The following CPQ variants were observed in gnomAD, a reference collection of about 807,000 sequenced individuals.
CPQ encodes carboxypeptidase Q.
Under a neutral mutation model 45.7 loss-of-function variants are expected in CPQ, and 37 were observed. The ratio of observed to expected loss-of-function variants is 0.81; its 90% CI spans 0.62 to 1.07. The LOEUF (loss-of-function observed/expected upper bound fraction) is 1.07. Among genes scored for constraint, CPQ ranks in the 50% least tolerant of loss-of-function variants. CPQ has a pLI of 0.00. For synonymous variants in CPQ, 186 were observed against 205.8 expected (o/e 0.90, Z 0.82); for missense variants, 537 against 572.9 (o/e 0.94, Z 0.64).
intron 7 of CPQ, among the ~76,000 whole-genome samples, chr8:97,094,936 AACT>A: frequency 6.6e-6 from 1 of 152,124 alleles, no homozygotes; most frequent in Non-Finnish European, 1.5e-5. Flanking sequence ...GGCCAAATTG[AACT>A]GGTGCATTCT....
At chr8:96,719,125 G>A (rs1160013982) in intron 1 of CPQ, among the ~76,000 whole-genome samples, 5 of 152,248 alleles carry the variant, frequency 3.3e-5, no homozygotes, top group African/African-American at 4.8e-5. Flanking sequence ...ACTGGGTGCC[G>A]TGGAGCAAGG....
intron 5 of CPQ, among the ~76,000 whole-genome samples, chr8:97,005,755 T>C (rs1432238357): frequency 6.6e-6 from 1 of 152,134 alleles, no homozygotes; most frequent in Non-Finnish European, 1.5e-5. Flanking sequence ...ATTTCTTCAT[T>C]GAAAAGGTTA....
At chr8:96,948,667 T>C (rs2853279) in intron 4 of CPQ, among the ~76,000 whole-genome samples, 75,943 of 151,920 alleles carry the variant, frequency 0.5, 21,140 homozygotes, top group African/African-American at 0.77. Context: ...GTTTGATCTA[T>C]AATATTATTC....
At chr8:97,136,058 T>C (rs1264128507) in intron 7 of CPQ, among the ~76,000 whole-genome samples, 5 of 152,164 alleles carry the variant, frequency 3.3e-5, no homozygotes, top group Admixed American at 3.3e-4. Flanking sequence ...GAGAGCACCC[T>C]GTGAAGGCTG....
At chr8:97,065,927 T>C (rs889441577) in intron 6 of CPQ, 82 bp from the exon 7 acceptor site, 1 of 1,353,664 alleles carries the variant, frequency 7.4e-7, no homozygotes, top group Non-Finnish European at 1.0e-6. Context: ...GGTAAAGTAT[T>C]TGGTAATTGT....
intron 4 of CPQ, 126 bp from the exon 5 acceptor site, chr8:96,965,809 A>G: frequency 1.7e-6 from 1 of 590,618 alleles, no homozygotes; most frequent in Non-Finnish European, 2.8e-6. Context: ...ACATATCTTT[A>G]AAGACATAAA....
intron 4 of CPQ, among the ~76,000 whole-genome samples, chr8:96,888,936 G>T (rs571579985): frequency 6.6e-6 from 1 of 152,178 alleles, no homozygotes; most frequent in Non-Finnish European, 1.5e-5. Flanking sequence ...AATAGCATGG[G>T]GTGGGCAGTA....
intron 2 of CPQ, among the ~76,000 whole-genome samples, chr8:96,814,933 T>C (rs898104012): frequency 6.6e-6 from 1 of 152,138 alleles, no homozygotes; most frequent in Non-Finnish European, 1.5e-5. Flanking sequence ...TCCATTTATA[T>C]AAAATGTATA....
At chr8:96,738,006 GA>G (rs1810014499) in intron 1 of CPQ, among the ~76,000 whole-genome samples, 1 of 151,876 alleles carries the variant, frequency 6.6e-6, no homozygotes, top group Non-Finnish European at 1.5e-5. Context: ...GTATGTTTTT[GA>G]ATTTTCTAAT....
chr8:97,010,012 T>C (rs1022862967), intron 5 of CPQ, among the ~76,000 whole-genome samples: 1 of 152,164 alleles, frequency 6.6e-6, no homozygotes. Flanking sequence ...ACTGGAAAAC[T>C]TGAAGAGGGG....
At chr8:96,760,106 A>C (rs1256611599) in intron 1 of CPQ, among the ~76,000 whole-genome samples, 1 of 152,198 alleles carries the variant, frequency 6.6e-6, no homozygotes, top group African/African-American at 2.4e-5. Flanking sequence ...GAAGATATTC[A>C]ACATAGCATA....
At chr8:96,835,261 AC>A in intron 3 of CPQ, 81 bp downstream of exon 3, 1 of 1,118,994 alleles carries the variant, frequency 8.9e-7, no homozygotes, top group Non-Finnish European at 1.2e-6. Flanking sequence ...GTAAAAACAA[AC>A]CATTCAAATG....
chr8:96,866,641 G>C (rs759292599), intron 3 of CPQ, among the ~76,000 whole-genome samples: 1 of 151,848 alleles, frequency 6.6e-6, no homozygotes, highest in Non-Finnish European at 1.5e-5. Flanking sequence ...TGGTGTTAAC[G>C]TTCATCTATT....
chr8:96,677,003 T>A (rs1004862763), intron 1 of CPQ, among the ~76,000 whole-genome samples: 1 of 151,980 alleles, frequency 6.6e-6, no homozygotes, highest in African/African-American at 2.4e-5. Flanking sequence ...AAGACCTGAT[T>A]TTGTTCATTT....
chr8:96,786,729 G>A (rs1215259687), intron 2 of CPQ, among the ~76,000 whole-genome samples: 1 of 152,052 alleles, frequency 6.6e-6, no homozygotes, highest in African/African-American at 2.4e-5. Flanking sequence ...TGGGTGTGGA[G>A]TGGTATCTCA....
chr8:96,916,445 G>A (rs763270091), intron 4 of CPQ, among the ~76,000 whole-genome samples: 1 of 152,064 alleles, frequency 6.6e-6, no homozygotes, highest in Non-Finnish European at 1.5e-5. Context: ...GTTCGAGCAG[G>A]AAATAACTGG....
At chr8:96,876,110 T>G (rs1482580719) in intron 3 of CPQ, among the ~76,000 whole-genome samples, 1 of 152,050 alleles carries the variant, frequency 6.6e-6, no homozygotes, top group Non-Finnish European at 1.5e-5. Flanking sequence ...ATTGTTTTGC[T>G]TTTGCATCGT....
At chr8:96,850,427 C>T (rs1451811925) in intron 3 of CPQ, among the ~76,000 whole-genome samples, 1 of 152,076 alleles carries the variant, frequency 6.6e-6, no homozygotes, top group Non-Finnish European at 1.5e-5. Flanking sequence ...GCTTATGCAC[C>T]TCAAGTCGCT....
intron 6 of CPQ, among the ~76,000 whole-genome samples, chr8:97,056,242 A>C (rs1303139621): frequency 6.6e-6 from 1 of 152,162 alleles, no homozygotes; most frequent in African/African-American, 2.4e-5. Flanking sequence ...GTGGGATATG[A>C]GTGTAGAATT....
Sources: gnomAD v4.1 joint callset for allele counts (sites outside exome capture counted in the v4.1 genomes callset) on GRCh38, gnomAD v4.1.1 for gene constraint, MANE v1.5 for transcripts, NCBI Gene and HGNC (gene_info 2026-07-23, HGNC 2026-07-21) for gene names.